The following ANKMY1 variants were observed in gnomAD, a reference collection of about 807,000 sequenced individuals.
ANKMY1 encodes ankyrin repeat and MYND domain-containing protein 1.
Under a neutral mutation model 102.0 loss-of-function variants are expected in ANKMY1, and 98 were observed. The ratio of observed to expected loss-of-function variants is 0.96; its 90% confidence interval spans 0.82 to 1.14. ANKMY1 has a LOEUF of 1.14. Among genes scored for constraint, ANKMY1 ranks in the 50% most tolerant of loss-of-function variants. ANKMY1 has a pLI of 0.00. For synonymous variants in ANKMY1, 582 were observed against 559.9 expected (o/e 1.04, Z -0.56); for missense variants, 1,330 against 1,347.6 (o/e 0.99, Z 0.20).
chr2:240,482,402 C>T, intron 15 of ANKMY1, 141 bp from the exon 16 acceptor site: 1 of 700,178 alleles, frequency 1.4e-6, no homozygotes, highest in Non-Finnish European at 2.3e-6. Context: ...CCTTTGATGG[C>T]TCCATAGTGG....
chr2:240,560,864 G>T (rs1268375597), upstream of ANKMY1: 10 of 1,360,374 alleles, frequency 7.4e-6, no homozygotes, highest in African/African-American at 1.1e-4. Context: ...GCCCGCGCGC[G>T]CCCGGCGTGG....
At position 240,506,254 on chromosome 2, in the gene ANKMY1, C is replaced by T. The variant is rs1160052586; in HGVS notation, c.2526+1306G>A. ...GCCCCCTGAGCTGCCTCTCCCGTCT[C>T]GCGTCCTTTCTCTATTTACTCAGAC... On this transcript the variant is annotated intron_variant, in intron 13 of 17. Coordinates refer to ENST00000401804, the MANE Select transcript of ANKMY1 (RefSeq NM_001282771.3). This position sits in a 1 kb window ranked among gnomAD's most constrained non-coding sequence, Gnocchi z 4.9. Among the ~76,000 whole-genome samples, 2 of 152,236 alleles carry T rather than the reference C, an allele frequency of 1.3e-5. No individual in the cohort carries two copies. Among genetic ancestry groups the T allele is most frequent in the Admixed American group, 1.3e-4 (2 of 15,292 alleles).
rs1020642525 is a variant in ANKMY1, at chr2:240,487,268, C to T, written c.2807-5007G>A. ...GTGCCCGGCTTATTTCACTAAGATA[C>T]TAATCTCCAGTTCCACTTGTGTGGC... On this transcript the variant is annotated intron_variant, in intron 15 of 17. Transcript: ENST00000401804. Among the ~76,000 whole-genome samples, 35 of 152,194 alleles carry T rather than the reference C, an allele frequency of 2.3e-4. 1 individual carries two copies. The highest frequency in any genetic ancestry group is 1.8e-4 in the Non-Finnish European group (12 of 68,034).
At chr2:240,481,438 G>C (rs190595128) in intron 16 of ANKMY1, among the ~76,000 whole-genome samples, 47 of 152,260 alleles carry the variant, frequency 3.1e-4, no homozygotes, top group Non-Finnish European at 4.7e-4. Flanking sequence ...AGGCACATAG[G>C]GAAATGTCTG....
intron 9 of ANKMY1, among the ~76,000 whole-genome samples, chr2:240,515,443 G>A (rs1315174231): frequency 1.3e-5 from 2 of 152,138 alleles, no homozygotes; most frequent in East Asian, 3.9e-4. Context: ...GCTGGGGCAG[G>A]AAAATCACTT....
intron 4 of ANKMY1, among the ~76,000 whole-genome samples, chr2:240,549,134 C>T (rs2091024094): frequency 6.6e-6 from 1 of 151,712 alleles, no homozygotes; most frequent in Admixed American, 6.6e-5. Context: ...GCTACAGTAA[C>T]CAAAACAGCA....
At chr2:240,543,104 A>G (rs1347747147) in intron 4 of ANKMY1, among the ~76,000 whole-genome samples, 1 of 151,940 alleles carries the variant, frequency 6.6e-6, no homozygotes, top group East Asian at 1.9e-4. Context: ...AATCCCAGCA[A>G]TTTGGGAGGC....
chr2:240,554,976 T>C lies in ANKMY1; in HGVS notation c.226A>G (p.Ile76Val). The C allele has an allele frequency of 6.2e-7, 1 of 1,614,178 alleles. No homozygotes were observed. Among genetic ancestry groups the C allele is most frequent in the Non-Finnish European group, 8.5e-7 (1 of 1,180,026 alleles). ...TCCTGCACACCCTGGACGAGCTGGA[T>C]GTAGGACTCCCTCAGGTCCTGCGCC... is the stretch of plus-strand genomic sequence containing the variant. ...LRAQDLRESYIQLVQGVQEWQ... is the reference protein window; with the variant it reads ...LRAQDLRESYVQLVQGVQEWQ... The change falls in exon 3 of 18, where the codon ATC becomes GTC. Residue 76 changes from isoleucine (I) to valine (V), a missense_variant. Physicochemically the swap from Ile to Val is conservative, Grantham distance 29. Coordinates refer to ENST00000401804, the MANE Select transcript of ANKMY1 (RefSeq NM_001282771.3).
At chr2:240,555,370 CCT>C in intron 2 of ANKMY1, 1 of 363,268 alleles carries the variant, frequency 2.8e-6, no homozygotes, top group Non-Finnish European at 5.1e-6. Flanking sequence ...GATCGATGGC[CCT>C]CTGTCCCACT....
intron 4 of ANKMY1, among the ~76,000 whole-genome samples, chr2:240,540,588 T>C (rs2088463523): frequency 6.6e-6 from 1 of 152,176 alleles, no homozygotes; most frequent in East Asian, 1.9e-4. Context: ...TTCTTACCCA[T>C]TGTTACATTT....
Position 240,520,413 on chromosome 2 carries a change from C to T in ANKMY1, c.1953G>A (p.Val651=), listed in dbSNP as rs767160531. Residue 651 remains valine, a synonymous_variant, in exon 9 of 18, where the codon GTG becomes GTA. Coordinates refer to ENST00000401804, the MANE Select transcript of ANKMY1 (RefSeq NM_001282771.3). The surrounding 1 kb of genome is among the most constrained non-coding windows in gnomAD (Gnocchi z 4.8). ...TCGCCCCGTGCTCCAGCAGCAGCCT[C>T]ACCCCATCCACGTCCCCGGCCTTCA... ...LAVKAGDVDG[V]RLLLEHGART... 11 of 1,606,416 alleles carry T rather than the reference C, an allele frequency of 6.8e-6. No homozygotes were observed. The South Asian group carries it at 1.2e-4, about 18-fold the overall frequency.
chr2:240,503,289 C>T (rs1487558672), intron 13 of ANKMY1, among the ~76,000 whole-genome samples: 1 of 152,170 alleles, frequency 6.6e-6, no homozygotes, highest in Non-Finnish European at 1.5e-5. Flanking sequence ...CAGAGGCTGC[C>T]CAGTGAGAGG....
At position 240,543,739 on chromosome 2, in the gene ANKMY1, A is replaced by G. The variant is rs1280424367; in HGVS notation, c.480+9175T>C. On this transcript the variant is annotated intron_variant, in intron 4 of 17. Transcript: ENST00000401804. ...CTAAAAATAAAATATATTTATATAC[A>G]TTATATAAGTGCTATAGGGGAACTT... 2.0e-5 allele frequency among the ~76,000 whole-genome samples: 3 copies of G among 152,160 alleles called. No individual in the cohort carries two copies. The East Asian group carries it at 5.8e-4, about 29-fold the overall frequency.
chr2:240,490,960 T>C (rs2076575024), intron 15 of ANKMY1, among the ~76,000 whole-genome samples: 1 of 152,188 alleles, frequency 6.6e-6, no homozygotes, highest in Non-Finnish European at 1.5e-5. Flanking sequence ...TATTGCAGTA[T>C]ATCTATCTGT....
At chr2:240,539,495 G>GT (rs1439036385) in intron 4 of ANKMY1, among the ~76,000 whole-genome samples, 1 of 152,172 alleles carries the variant, frequency 6.6e-6, no homozygotes, top group Non-Finnish European at 1.5e-5. Context: ...TTTAAGAACC[G>GT]TAACACTCAC....
At chr2:240,533,601 C>G (rs60006782) in intron 4 of ANKMY1, among the ~76,000 whole-genome samples, 3,262 of 152,028 alleles carry the variant, frequency 0.021, 139 homozygotes, top group African/African-American at 0.075. Flanking sequence ...TCACAGCACC[C>G]CTGAACTTGG....
intron 6 of ANKMY1, 47 bp from the exon 7 acceptor site, chr2:240,525,896 G>C: frequency 6.3e-7 from 1 of 1,594,570 alleles, no homozygotes. Flanking sequence ...CTGGCCCTCA[G>C]GGGTGGGAAG....
intron 1 of ANKMY1, 94 bp from the exon 2 acceptor site, chr2:240,557,446 A>G: frequency 7.3e-7 from 1 of 1,375,266 alleles, no homozygotes; most frequent in Non-Finnish European, 9.6e-7. Context: ...CCTGAGCCTC[A>G]GAGAACCCAA....
At chr2:240,535,032 A>G (rs1367848049) in intron 4 of ANKMY1, among the ~76,000 whole-genome samples, 1 of 152,230 alleles carries the variant, frequency 6.6e-6, no homozygotes, top group African/African-American at 2.4e-5. Context: ...TGGGAGGTCA[A>G]GGCTGCAGTA....
Sources: allele counts gnomAD v4.1 joint callset (sites outside exome capture counted in the v4.1 genomes callset), GRCh38; gene constraint gnomAD v4.1.1; non-coding constraint Gnocchi (gnomAD v3.1); transcripts MANE v1.5; gene names NCBI Gene and HGNC (gene_info 2026-07-23, HGNC 2026-07-21).